CREB5: variants seen among roughly 807,000 people sequenced by gnomAD.
CREB5 encodes cAMP responsive element binding protein 5.
Under a neutral mutation model 57.1 loss-of-function variants are expected in CREB5, and 19 were observed. That is an observed-to-expected ratio of 0.33 (90% CI 0.23 to 0.49). CREB5 has a LOEUF of 0.49. Among genes scored for constraint, CREB5 ranks in the 20% least tolerant of loss-of-function variants. The pLI is 0.99. For synonymous variants in CREB5, 238 were observed against 238.3 expected (o/e 1.00, Z 0.01); for missense variants, 579 against 671.6 (o/e 0.86, Z 1.52).
At chr7:28,315,871 T>C (rs992054483) in intron 1 of CREB5, among the ~76,000 whole-genome samples, 3 of 152,210 alleles carry the variant, frequency 2.0e-5, no homozygotes, top group African/African-American at 7.2e-5. Context: ...ACTGGCTCAC[T>C]GGCTGGCTGC....
At chr7:28,614,791 A>G (rs1797533908) in intron 5 of CREB5, among the ~76,000 whole-genome samples, 1 of 152,066 alleles carries the variant, frequency 6.6e-6, no homozygotes, top group African/African-American at 2.4e-5. Flanking sequence ...CCATCACCCA[A>G]CCTGAACAAT....
At position 28,414,204 on chromosome 7, in the gene CREB5, A is replaced by C. The variant is rs76261322; in HGVS notation, c.3+1287A>C. On this transcript the variant is annotated intron_variant, in intron 1 of 10. Coordinates refer to ENST00000357727, the MANE Select transcript of CREB5 (RefSeq NM_182898.4). Reference sequence around the variant, plus strand: ...TTCTAAGCAATGCAGTTAGTCACAAAATTAATGTGATCCTGGCTGGTGTTT... The same window carrying C: ...TTCTAAGCAATGCAGTTAGTCACAACATTAATGTGATCCTGGCTGGTGTTT... 9.9e-4 allele frequency among the ~76,000 whole-genome samples: 151 copies of C among 151,948 alleles called. 6 individuals are homozygous for C. The East Asian group carries it at 0.027, about 27-fold the overall frequency.
intron 1 of CREB5, among the ~76,000 whole-genome samples, chr7:28,337,072 T>C (rs2391656): frequency 0.37 from 55,505 of 151,938 alleles, 10,762 homozygotes; most frequent in Non-Finnish European, 0.44. Context: ...TGATATTATT[T>C]CAATATTTTG....
intron 1 of CREB5, among the ~76,000 whole-genome samples, chr7:28,331,450 C>G (rs1785714760): frequency 6.6e-6 from 1 of 152,070 alleles, no homozygotes; most frequent in African/African-American, 2.4e-5. Flanking sequence ...CCTCATGAAC[C>G]AATTTCTGCC....
rs192959161 is a variant in CREB5, at chr7:28,824,550, C to G, written c.*5271C>G. ...TAATCTAAGGTAGGATAAGACGACA[C>G]AGCAGCAATAAACTTACAAGTAAAA... On this transcript the variant is annotated 3_prime_UTR_variant, in exon 11 of 11. Coordinates refer to ENST00000357727, the MANE Select transcript of CREB5 (RefSeq NM_182898.4). 2.6e-5 allele frequency: 4 copies of G among 152,700 alleles called. No homozygotes were observed. In the East Asian group the frequency reaches 7.7e-4, roughly 29 times the overall value. 9.5% of individuals were successfully genotyped at this position (152,700 alleles called of 1,614,324 possible). A position where few individuals can be genotyped will look rare whatever the true frequency, so the allele number is the denominator to read the frequency against.
At chr7:28,462,808 T>G (rs1790402891) in intron 1 of CREB5, among the ~76,000 whole-genome samples, 1 of 152,182 alleles carries the variant, frequency 6.6e-6, no homozygotes, top group Admixed American at 6.5e-5. Context: ...TAGTACATAT[T>G]CTGGATACTA....
At chr7:28,547,427 T>C (rs562268351) in intron 4 of CREB5, among the ~76,000 whole-genome samples, 3 of 152,264 alleles carry the variant, frequency 2.0e-5, no homozygotes, top group South Asian at 4.1e-4. Flanking sequence ...AGAAAGTCAG[T>C]AGGCTGGAAA....
rs1809639657 is a variant in CREB5 at position 28,819,471 on chromosome 7, A to AACTCCCTTTTTTC, written c.*192_*193insACTCCCTTTTTTC. The AACTCCCTTTTTTC allele has an allele frequency of 3.6e-6, 2 of 553,638 alleles. No homozygotes were observed. Among genetic ancestry groups the AACTCCCTTTTTTC allele is most frequent in the Non-Finnish European group, 6.0e-6 (2 of 331,692 alleles). 34.3% of individuals were successfully genotyped at this position (553,638 alleles called of 1,614,324 possible). A position where few individuals can be genotyped will look rare whatever the true frequency, so the allele number is the denominator to read the frequency against. ...ATATAAGAAAAAAGGGAGTTATGCA[A>AACTCCCTTTTTTC]TTAATATCTATCAGCTTGGGAAACG... On this transcript the variant is annotated 3_prime_UTR_variant, in exon 11 of 11. Transcript: ENST00000357727.
chr7:28,319,347 G>C (rs142755704), intron 1 of CREB5, among the ~76,000 whole-genome samples: 134 of 152,250 alleles, frequency 8.8e-4, no homozygotes, highest in African/African-American at 3.0e-3. Context: ...CATTTACATA[G>C]AATACCTTTG....
At chr7:28,624,676 G>GAAAA (rs56161206) in intron 5 of CREB5, among the ~76,000 whole-genome samples, 44 of 130,142 alleles carry the variant, frequency 3.4e-4, no homozygotes, top group African/African-American at 1.1e-3. Flanking sequence ...CAACAGACGT[G>GAAAA]AAAAAAAAAA....
chr7:28,364,354 C>T (rs1786547277), intron 1 of CREB5, among the ~76,000 whole-genome samples: 1 of 152,194 alleles, frequency 6.6e-6, no homozygotes, highest in Non-Finnish European at 1.5e-5. Flanking sequence ...TATGAAGAGA[C>T]AGTTCTTAAG....
At position 28,575,044 on chromosome 7, in the gene CREB5, A is replaced by G. The variant is rs148284206; in HGVS notation, c.464+4507A>G. On this transcript the variant is annotated intron_variant, in intron 5 of 10. Coordinates refer to ENST00000357727, the MANE Select transcript of CREB5 (RefSeq NM_182898.4). ...AAAGGTGCCAAGACTTATAAATTGT[A>G]CCTCCTCTTACCTTTTCTGTGCCTC... 2.9e-3 allele frequency among the ~76,000 whole-genome samples: 434 copies of G among 152,256 alleles called. 1 individual carries two copies. The highest frequency in any genetic ancestry group is 4.5e-3 in the Non-Finnish European group (307 of 68,022).
rs202066606 is a variant in CREB5 at position 28,815,343 on chromosome 7, C to T, written c.1255-2728C>T. Among the ~76,000 whole-genome samples, 5 of 152,262 alleles carry T rather than the reference C, an allele frequency of 3.3e-5. No homozygotes were observed. In the East Asian group the frequency reaches 9.6e-4, roughly 29 times the overall value. ...ATCTTTAAATGATGGTCAGTTGTCT[C>T]AATATTCTCAGGGTTCTGCATTTTT... On this transcript the variant is annotated intron_variant, in intron 9 of 10. Transcript: ENST00000357727.
At chr7:28,414,650 T>C (rs1164383325) in intron 1 of CREB5, among the ~76,000 whole-genome samples, 1 of 152,208 alleles carries the variant, frequency 6.6e-6, no homozygotes, top group Non-Finnish European at 1.5e-5. Flanking sequence ...ACTTTAAAAA[T>C]GACATCATGT....
intron 7 of CREB5, among the ~76,000 whole-genome samples, chr7:28,729,047 C>A (rs1006567235): frequency 5.3e-5 from 8 of 152,106 alleles, no homozygotes; most frequent in Non-Finnish European, 7.4e-5. Context: ...GTATTTTGAT[C>A]ATTTATTGTC....
chr7:28,783,042 C>T (rs1469033834), intron 7 of CREB5, among the ~76,000 whole-genome samples: 1 of 152,118 alleles, frequency 6.6e-6, no homozygotes, highest in African/African-American at 2.4e-5. Context: ...CCTTTGCTTC[C>T]ACATAATTGG....
chr7:28,516,581 C>G (rs177591), intron 4 of CREB5, among the ~76,000 whole-genome samples: 23,121 of 152,216 alleles, frequency 0.15, 2,395 homozygotes, highest in East Asian at 0.54. Context: ...CCCTGCCCTC[C>G]CATCAGGCAG....
chr7:28,748,325 T>G (rs1188370860), intron 7 of CREB5, among the ~76,000 whole-genome samples: 1 of 152,172 alleles, frequency 6.6e-6, no homozygotes, highest in Non-Finnish European at 1.5e-5. Flanking sequence ...CAAGCACATA[T>G]ATGTGTAGGA....
intron 5 of CREB5, among the ~76,000 whole-genome samples, chr7:28,684,377 C>T (rs142375708): frequency 6.6e-6 from 1 of 152,306 alleles, no homozygotes; most frequent in Non-Finnish European, 1.5e-5. Flanking sequence ...ACTGTGGCAT[C>T]AGCATCAATT....
Sources: allele counts gnomAD v4.1 joint callset (sites outside exome capture counted in the v4.1 genomes callset), GRCh38; gene constraint gnomAD v4.1.1; transcripts MANE v1.5; gene names NCBI Gene and HGNC (gene_info 2026-07-23, HGNC 2026-07-21).